Variants in DHCR24 observed in about 807,000 individuals in gnomAD.
DHCR24 encodes the protein delta(24)-sterol reductase.
Under a neutral mutation model 61.2 loss-of-function variants are expected in DHCR24, and 28 were observed. That is an observed-to-expected ratio of 0.46 (90% CI 0.34 to 0.63). DHCR24 has a LOEUF of 0.63. Among genes scored for constraint, DHCR24 ranks in the 20% least tolerant of loss-of-function variants. The pLI, the probability that DHCR24 is intolerant of heterozygous loss-of-function variation, is 0.01. For synonymous variants in DHCR24, 261 were observed against 275.9 expected, an observed-to-expected ratio of 0.95 and a Z score of 0.54; for missense variants, 538 against 679.1, an observed-to-expected ratio of 0.79 and a Z score of 2.31.
chr1:54,853,992 C>T (rs773258719), intron 7 of DHCR24, 45 bp downstream of exon 7: 5 of 1,562,980 alleles, frequency 3.2e-6, no homozygotes, highest in Non-Finnish European at 4.4e-6. Context: ...CCATGGATTC[C>T]AAGGGAATGC....
chr1:54,865,491 C>T (rs1557433780), intron 5 of DHCR24, 45 bp from the exon 6 acceptor site: 2 of 1,612,220 alleles, frequency 1.2e-6, no homozygotes, highest in Non-Finnish European at 8.5e-7. Context: ...GACAAGCGCC[C>T]AGCACCATCG....
intron 6 of DHCR24, among the ~76,000 whole-genome samples, chr1:54,857,634 C>T (rs922165234): frequency 3.3e-5 from 5 of 152,162 alleles, no homozygotes. Flanking sequence ...TTAAATGTAA[C>T]ATTTAAACAG....
Position 54,886,954 on chromosome 1 carries a change from C to G in DHCR24, c.166G>C (p.Val56Leu). ...GGAGCGCTGCTGAGCTTGAACACCA[C>G]CCAGGCGCGCACGTAGTAGTAGATA... The part of the protein sequence containing the change: ...FDIYYYVRAW[V>L]VFKLSSAPRL... The change falls in exon 1 of 9, where the codon GTG becomes CTG. Residue 56 changes from valine to leucine, a missense_variant. Val to Leu is a conservative substitution (Grantham distance 32, BLOSUM62 1). Transcript: ENST00000371269. 1 of 1,613,674 alleles carries G rather than the reference C, an allele frequency of 6.2e-7. No individual in the cohort carries two copies. Among genetic ancestry groups the G allele is most frequent in the Non-Finnish European group, 8.5e-7 (1 of 1,179,702 alleles).
chr1:54,886,852 C>G, intron 1 of DHCR24, 37 bp downstream of exon 1: 2 of 1,604,748 alleles, frequency 1.2e-6, no homozygotes, highest in Non-Finnish European at 8.5e-7. Context: ...CACGCCGCCT[C>G]CGGCCCTGAG....
chr1:54,860,707 C>A (rs1251977208), intron 6 of DHCR24, among the ~76,000 whole-genome samples: 1 of 152,186 alleles, frequency 6.6e-6, no homozygotes, highest in African/African-American at 2.4e-5. Context: ...TTGGTGAGGC[C>A]AGGCGCAGTG....
chr1:54,886,534 T>C, intron 1 of DHCR24: 1 of 1,199,990 alleles, frequency 8.3e-7, no homozygotes, highest in South Asian at 1.3e-5. Context: ...CCCAATCATT[T>C]CCCATACTTC....
At chr1:54,871,227 G>T in intron 5 of DHCR24, 123 bp downstream of exon 5, 1 of 1,133,688 alleles carries the variant, frequency 8.8e-7, no homozygotes, top group South Asian at 1.3e-5. Context: ...TACCCCAGGT[G>T]GGTTGACCCA....
intron 7 of DHCR24, 77 bp downstream of exon 7, chr1:54,853,960 T>C: frequency 7.0e-7 from 1 of 1,428,840 alleles, no homozygotes; most frequent in Admixed American, 1.9e-5. Flanking sequence ...CCAAGGTCGG[T>C]CACACGGTTC....
At position 54,865,794 on chromosome 1, in the gene DHCR24, C is replaced by G. The variant is rs567687047; in HGVS notation, c.877-348G>C. Among the ~76,000 whole-genome samples the G allele has an allele frequency of 3.3e-5, 5 of 152,170 alleles. No homozygotes were observed. In the South Asian group the frequency reaches 8.3e-4, roughly 25 times the overall value. ...GTGCCCCATGCAGGGGAATTCCCTC[C>G]CTCCCTCCCTTCCCACCTTCCCCAA... On this transcript the variant is annotated intron_variant, in intron 5 of 8. Transcript: ENST00000371269.
Position 54,852,126 on chromosome 1 carries a change from G to A in DHCR24, c.*107C>T, listed in dbSNP as rs764589726. The stretch of plus-strand genomic sequence containing the variant: ...GTTGGGCTGTCAGGGTGGGAGTTCT[G>A]GAGGGGTTTCTCTTTGAAAGTGTGG... On this transcript the variant is annotated 3_prime_UTR_variant, in exon 9 of 9. Coordinates refer to ENST00000371269, the MANE Select transcript of DHCR24 (RefSeq NM_014762.4). 140 of 1,390,762 alleles carry A rather than the reference G, an allele frequency of 1.0e-4. No individual in the cohort carries two copies. The highest frequency in any genetic ancestry group is 1.3e-4 in the Non-Finnish European group (134 of 1,007,228). The allele number at this position is 1,390,762 out of a possible 1,614,324, so 86.2% of individuals were successfully genotyped here. A position where few individuals can be genotyped will look rare whatever the true frequency, so the allele number is the denominator to read the frequency against.
At chr1:54,860,456 C>A (rs1646929633) in intron 6 of DHCR24, among the ~76,000 whole-genome samples, 1 of 152,174 alleles carries the variant, frequency 6.6e-6, no homozygotes, top group Admixed American at 6.5e-5. Context: ...AACCCTCCTG[C>A]CACTGGGATA....
chr1:54,863,335 C>T (rs1355249589), intron 6 of DHCR24, among the ~76,000 whole-genome samples: 1 of 152,220 alleles, frequency 6.6e-6, no homozygotes, highest in Non-Finnish European at 1.5e-5. Context: ...GGCCATGCCA[C>T]TTTCCTGTTC....
rs58945175 is a variant in DHCR24 at position 54,879,322 on chromosome 1, GAAAAAAAAAAAAA to G, written c.388-3288_388-3276del. On this transcript the variant is annotated intron_variant, in intron 2 of 8. Coordinates refer to ENST00000371269, the MANE Select transcript of DHCR24 (RefSeq NM_014762.4). Reference sequence around the variant, plus strand: ...TGGAGGACAGAGCAAGACTCCATCTGAAAAAAAAAAAAAAAAAAAAAAAAAAAAAATCCAAATC... The same window carrying G: ...TGGAGGACAGAGCAAGACTCCATCTGAAAAAAAAAAAAAAAAATCCAAATC... 3.8e-4 allele frequency among the ~76,000 whole-genome samples: 41 copies of G among 108,496 alleles called. 2 individuals carry two copies. Among genetic ancestry groups the G allele is most frequent in the African/African-American group, 1.1e-3 (29 of 25,850 alleles). The allele number at this position is 108,496 out of a possible 152,430, so 71.2% of individuals were successfully genotyped here.
At chr1:54,866,765 T>G (rs141157515) in intron 5 of DHCR24, among the ~76,000 whole-genome samples, 3 of 152,214 alleles carry the variant, frequency 2.0e-5, no homozygotes, top group Non-Finnish European at 4.4e-5. Context: ...ACCCTGCTGG[T>G]AAGGCCACCC....
Position 54,886,642 on chromosome 1 carries a change from TTCCC to T in DHCR24, c.231+243_231+246del, listed in dbSNP as rs770512278. On this transcript the variant is annotated intron_variant, in intron 1 of 8. Coordinates refer to ENST00000371269, the MANE Select transcript of DHCR24 (RefSeq NM_014762.4). ...CCTGAGTGCTTCGCACCTCCCCCTC[TTCCC>T]CTTCTTCATCTCCCTCCAGGTACCC... The T allele has an allele frequency of 3.1e-3, 4,629 of 1,472,948 alleles. 19 individuals carry two copies. Among genetic ancestry groups the T allele is most frequent in the Non-Finnish European group, 3.6e-3 (3,987 of 1,108,960 alleles). The allele number at this position is 1,472,948 out of a possible 1,614,324, so 91.2% of individuals were successfully genotyped here. A position where few individuals can be genotyped will look rare whatever the true frequency, so the allele number is the denominator to read the frequency against.
rs962656261 is a variant in DHCR24 at position 54,862,674 on chromosome 1, C to A, written c.1020+2629G>T. 2.0e-5 allele frequency among the ~76,000 whole-genome samples: 3 copies of A among 152,186 alleles called. No homozygotes were observed. In the South Asian group the frequency reaches 6.2e-4, roughly 31 times the overall value. On this transcript the variant is annotated intron_variant, in intron 6 of 8. Transcript: ENST00000371269. ...TGTGTATATAGGGCTCCAACCTCCA[C>A]TGAACTCCTGAAGTCCCGACACACG...
rs1421148133 is a variant in DHCR24, at chr1:54,853,592, A to G, written c.1239T>C (p.Cys413=). The G allele has an allele frequency of 9.9e-6, 16 of 1,613,772 alleles. No homozygotes were observed. The highest frequency in any genetic ancestry group is 1.4e-5 in the Non-Finnish European group (16 of 1,179,964). The change falls in exon 8 of 9, where the codon TGT becomes TGC. Residue 413 remains cysteine (C), a synonymous_variant. Coordinates refer to ENST00000371269, the MANE Select transcript of DHCR24 (RefSeq NM_014762.4). ...CTGGCTGGCTGGGCAGGATGAACGG[A>G]CACAGCCAGATGGGGTAGACCTGGG... is the stretch of plus-strand genomic sequence containing the variant. ...NDIHVYPIWL[C]PFILPSQPGL...
intron 4 of DHCR24, 102 bp downstream of exon 4, chr1:54,874,991 G>T: frequency 1.0e-6 from 1 of 985,406 alleles, no homozygotes; most frequent in Non-Finnish European, 1.6e-6. Flanking sequence ...AGACTGAACA[G>T]GTACTGGGAA....
chr1:54,879,322 G>GAAAAAAAA (rs58945175), intron 2 of DHCR24, among the ~76,000 whole-genome samples: 32 of 108,494 alleles, frequency 2.9e-4, no homozygotes, highest in Non-Finnish European at 4.3e-4. Context: ...GACTCCATCT[G>GAAAAAAAA]AAAAAAAAAA....
Sources: gnomAD v4.1 joint callset for allele counts (sites outside exome capture counted in the v4.1 genomes callset) on GRCh38, gnomAD v4.1.1 for gene constraint, MANE v1.5 for transcripts, NCBI Gene and HGNC (gene_info 2026-07-23, HGNC 2026-07-21) for gene names.